ODAD2: variants seen among roughly 807,000 people sequenced by gnomAD.
ODAD2 encodes outer dynein arm docking complex subunit 2.
ODAD2 carries 89 observed loss-of-function variants against 106.8 expected under a neutral mutation model. The ratio of observed to expected loss-of-function variants is 0.83; its 90% CI spans 0.70 to 0.99. ODAD2 has a LOEUF of 0.99. ODAD2 is among the 50% of genes least tolerant of loss of function. The probability of loss-of-function intolerance (pLI) is 0.00; values close to 1 mark genes in which losing one functional copy is unlikely to be tolerated. For synonymous variants in ODAD2, 404 were observed against 436.2 expected (o/e 0.93, Z 0.92); for missense variants, 1,168 against 1,238.5 (o/e 0.94, Z 0.85).
intron 14 of ODAD2, among the ~76,000 whole-genome samples, chr10:27,938,707 C>G (rs1310907205): frequency 6.6e-6 from 1 of 151,598 alleles, no homozygotes; most frequent in Non-Finnish European, 1.5e-5. Context: ...TCAAGTGATT[C>G]TCCTGCCTCA....
At chr10:27,842,975 G>C (rs1838420944) in intron 19 of ODAD2, among the ~76,000 whole-genome samples, 1 of 152,086 alleles carries the variant, frequency 6.6e-6, no homozygotes, top group Non-Finnish European at 1.5e-5. Flanking sequence ...TTAATATATA[G>C]AGGATCCTAA....
intron 14 of ODAD2, among the ~76,000 whole-genome samples, chr10:27,937,760 C>T (rs1181730437): frequency 2.0e-5 from 3 of 152,116 alleles, no homozygotes; most frequent in African/African-American, 7.2e-5. Context: ...CAGGCACCTG[C>T]CATGTTTATC....
rs527276511 is a variant in ODAD2 at position 27,852,790 on chromosome 10, G to A, written c.3021+7835C>T. ...AGCCTGACCAACATGGCAAAACCCC[G>A]TCTCTGCTAAAAATACAAAAAGTAG... On this transcript the variant is annotated intron_variant, in intron 19 of 19. Transcript: ENST00000305242. 3.8e-4 allele frequency among the ~76,000 whole-genome samples: 57 copies of A among 151,686 alleles called. 2 individuals are homozygous for A. The South Asian group carries it at 0.011, about 30-fold the overall frequency.
At chr10:27,997,309 T>C (rs1248425375) in intron 1 of ODAD2, among the ~76,000 whole-genome samples, 3 of 152,144 alleles carry the variant, frequency 2.0e-5, no homozygotes, top group Non-Finnish European at 2.9e-5. Flanking sequence ...CAGTGTAAAA[T>C]AGTGTGAAAT....
At chr10:27,980,096 C>T (rs1294032173) in intron 7 of ODAD2, among the ~76,000 whole-genome samples, 1 of 152,114 alleles carries the variant, frequency 6.6e-6, no homozygotes, top group Non-Finnish European at 1.5e-5. Flanking sequence ...ATCTCTTCAA[C>T]AAATTGTGCT....
At chr10:27,823,426 AC>A (rs1288798593) in intron 19 of ODAD2, among the ~76,000 whole-genome samples, 3 of 152,204 alleles carry the variant, frequency 2.0e-5, no homozygotes, top group Non-Finnish European at 4.4e-5. Flanking sequence ...TTGAGTTCAG[AC>A]AGTCTGAATT....
intron 17 of ODAD2, among the ~76,000 whole-genome samples, chr10:27,903,307 A>G (rs1271465980): frequency 6.6e-6 from 1 of 152,212 alleles, no homozygotes; most frequent in Non-Finnish European, 1.5e-5. Flanking sequence ...TCTCAAAATA[A>G]TAAGAACTGT....
intron 17 of ODAD2, among the ~76,000 whole-genome samples, chr10:27,892,923 C>A (rs1389560060): frequency 6.6e-6 from 1 of 152,128 alleles, no homozygotes; most frequent in Non-Finnish European, 1.5e-5. Context: ...CCGAGGCGAG[C>A]AGATCACTTG....
intron 19 of ODAD2, among the ~76,000 whole-genome samples, chr10:27,816,963 T>C (rs1836181943): frequency 6.6e-6 from 1 of 152,184 alleles, no homozygotes; most frequent in African/African-American, 2.4e-5. Context: ...TTGGCCAGGC[T>C]GATCTCTAAT....
intron 17 of ODAD2, among the ~76,000 whole-genome samples, chr10:27,875,192 G>A (rs1175436404): frequency 2.6e-5 from 4 of 152,210 alleles, no homozygotes; most frequent in Admixed American, 2.6e-4. Flanking sequence ...TTGTGCCATG[G>A]TTTTCAGCTC....
At chr10:27,959,466 A>C (rs1374518557) in intron 10 of ODAD2, among the ~76,000 whole-genome samples, 1 of 152,052 alleles carries the variant, frequency 6.6e-6, no homozygotes, top group Admixed American at 6.6e-5. Context: ...ATGCAGAGGC[A>C]CTGTTGCAAG....
chr10:27,840,592 G>A (rs1420629482), intron 19 of ODAD2, among the ~76,000 whole-genome samples: 1 of 152,164 alleles, frequency 6.6e-6, no homozygotes, highest in East Asian at 1.9e-4. Flanking sequence ...AACTGAAAAT[G>A]GGGGTGGAGA....
intron 13 of ODAD2, 82 bp from the exon 14 acceptor site, chr10:27,940,089 C>T (rs1229515984): frequency 1.1e-6 from 1 of 930,908 alleles, no homozygotes; most frequent in Non-Finnish European, 1.6e-6. Flanking sequence ...ACATGCTGAA[C>T]AAACTTTCTT....
intron 19 of ODAD2, among the ~76,000 whole-genome samples, chr10:27,818,393 G>A (rs1564392741): frequency 1.3e-5 from 2 of 151,990 alleles, no homozygotes; most frequent in Non-Finnish European, 1.5e-5. Flanking sequence ...AAGGGTTCAT[G>A]AGTCCCTGTC....
In ODAD2 at chr10:27,988,809, C is replaced by T. The variant is rs541264578; in HGVS notation, c.225-1266G>A. Among the ~76,000 whole-genome samples the T allele has an allele frequency of 2.3e-3, 345 of 152,020 alleles. 1 individual carries two copies. Among genetic ancestry groups the T allele is most frequent in the African/African-American group, 8.0e-3 (333 of 41,448 alleles). On this transcript the variant is annotated intron_variant, in intron 2 of 19. Coordinates refer to ENST00000305242, the MANE Select transcript of ODAD2 (RefSeq NM_018076.5). ...CAGAATAATGTTCACATCTGAATCC[C>T]CAAAACCTATGAACATGTCACCTTA...
intron 19 of ODAD2, among the ~76,000 whole-genome samples, chr10:27,840,333 C>A (rs1349286128): frequency 2.0e-5 from 3 of 152,108 alleles, no homozygotes; most frequent in African/African-American, 7.2e-5. Flanking sequence ...ATCAACTGAC[C>A]TAAGAATTTC....
chr10:27,923,951 AAAG>A (rs1361109623), intron 16 of ODAD2, among the ~76,000 whole-genome samples: 83 of 62,560 alleles, frequency 1.3e-3, no homozygotes, highest in Non-Finnish European at 1.8e-3. Flanking sequence ...CTAATGAAAG[AAAG>A]AAAGAAAGAA....
intron 17 of ODAD2, among the ~76,000 whole-genome samples, chr10:27,902,803 T>C (rs1001259108): frequency 6.6e-6 from 1 of 152,136 alleles, no homozygotes; most frequent in Non-Finnish European, 1.5e-5. Context: ...GAGGCAGTAA[T>C]TAATAGCCCA....
At chr10:27,875,693 T>C (rs957306583) in intron 17 of ODAD2, among the ~76,000 whole-genome samples, 3 of 152,168 alleles carry the variant, frequency 2.0e-5, no homozygotes, top group African/African-American at 7.2e-5. Context: ...TGTTGGACAG[T>C]GGCTGCAGGA....
Sources: allele counts gnomAD v4.1 joint callset (sites outside exome capture counted in the v4.1 genomes callset), GRCh38; gene constraint gnomAD v4.1.1; transcripts MANE v1.5; gene names NCBI Gene and HGNC (gene_info 2026-07-23, HGNC 2026-07-21).